The following CCDC141 variants were observed in gnomAD, a reference collection of about 807,000 sequenced individuals.
CCDC141 encodes the protein coiled-coil domain-containing protein 141.
A neutral mutation model predicts 181.0 loss-of-function variants in CCDC141; 168 were observed. That is an observed-to-expected ratio of 0.93 (90% confidence interval 0.82 to 1.05). The LOEUF (loss-of-function observed/expected upper bound fraction) is 1.05, where lower values mean the gene tolerates loss of function less well. Among genes scored for constraint, CCDC141 ranks in the 50% least tolerant of loss-of-function variants. CCDC141 has a pLI of 0.00. For synonymous variants in CCDC141, 666 were observed against 642.3 expected (o/e 1.04, Z -0.56); for missense variants, 1,902 against 1,788.5 (o/e 1.06, Z -1.14).
At chr2:178,916,515 T>C (rs1293137373) in intron 7 of CCDC141, among the ~76,000 whole-genome samples, 1 of 151,748 alleles carries the variant, frequency 6.6e-6, no homozygotes, top group Non-Finnish European at 1.5e-5. Flanking sequence ...TACTTAATAA[T>C]ATAGTATAAA....
In CCDC141 at chr2:179,029,035, C is replaced by T. The variant is rs559205694; in HGVS notation, c.225+18249G>A. On this transcript the variant is annotated intron_variant, in intron 2 of 23. Coordinates refer to ENST00000443758, the MANE Select transcript of CCDC141 (RefSeq NM_173648.4). ...ATTCTCCATAACAATGTAGCCTCAT[C>T]TCATATTTGCTGACAGAGATCTTCA... Among the ~76,000 whole-genome samples the T allele has an allele frequency of 5.3e-4, 80 of 152,310 alleles. No homozygotes were observed. The South Asian group carries it at 7.9e-3, about 15-fold the overall frequency.
At chr2:178,836,816 C>CTGTG in intron 23 of CCDC141, 78 bp downstream of exon 23, 1 of 1,477,002 alleles carries the variant, frequency 6.8e-7, no homozygotes, top group Non-Finnish European at 9.1e-7. Flanking sequence ...CTAAACCTTT[C>CTGTG]AGTTAGTGCT....
intron 22 of CCDC141, 85 bp from the exon 23 acceptor site, chr2:178,837,829 G>T: frequency 2.1e-6 from 3 of 1,441,320 alleles, no homozygotes; most frequent in Non-Finnish European, 2.7e-6. Flanking sequence ...ACTTCAGAGA[G>T]ATAACTCGAG....
intron 6 of CCDC141, among the ~76,000 whole-genome samples, chr2:178,934,109 A>G (rs1689197323): frequency 6.6e-6 from 1 of 151,620 alleles, no homozygotes; most frequent in South Asian, 2.1e-4. Context: ...ATTTTTTTCA[A>G]CACCCCCCAG....
intron 2 of CCDC141, among the ~76,000 whole-genome samples, chr2:179,028,591 A>G (rs537095229): frequency 6.6e-6 from 1 of 152,340 alleles, no homozygotes; most frequent in Admixed American, 6.5e-5. Flanking sequence ...TCATGTAATA[A>G]TACCAGTGGG....
chr2:178,980,009 TAAAC>T lies in CCDC141; in HGVS notation c.226-1338_226-1335del, dbSNP rs369992856. ...ATCTAGGACTAAATTATTTAAAAAATAAACAAATTAAGGGGGATAAACTGATTTA... is the reference window on the plus strand; with the variant it reads ...ATCTAGGACTAAATTATTTAAAAAATAAATTAAGGGGGATAAACTGATTTA... On this transcript the variant is annotated intron_variant, in intron 2 of 23. Transcript: ENST00000443758. Among the ~76,000 whole-genome samples, 95 of 152,136 alleles carry T rather than the reference TAAAC, an allele frequency of 6.2e-4. 1 individual carries two copies. The highest frequency in any genetic ancestry group is 2.2e-3 in the African/African-American group (92 of 41,516).
At chr2:178,817,129 C>A in the CCDC141 span, among the ~76,000 whole-genome samples, 1 of 152,148 alleles carries the variant, frequency 6.6e-6, no homozygotes, top group African/African-American at 2.4e-5. Flanking sequence ...GGATAACCTC[C>A]ACAAAAGAGT....
At chr2:178,970,795 C>T (rs1690851851) in intron 4 of CCDC141, among the ~76,000 whole-genome samples, 1 of 152,220 alleles carries the variant, frequency 6.6e-6, no homozygotes, top group Non-Finnish European at 1.5e-5. Context: ...TAAAGAACTT[C>T]TGCACAGCAA....
At chr2:179,038,063 A>G (rs1224037357) in intron 2 of CCDC141, among the ~76,000 whole-genome samples, 1 of 152,226 alleles carries the variant, frequency 6.6e-6, no homozygotes, top group African/African-American at 2.4e-5. Context: ...TCGTACACCA[A>G]TGTTCATTGT....
At chr2:178,890,461 C>T (rs186308212) in intron 8 of CCDC141, among the ~76,000 whole-genome samples, 43 of 152,274 alleles carry the variant, frequency 2.8e-4, no homozygotes, top group Non-Finnish European at 5.6e-4. Context: ...TAACCAGCTC[C>T]AGCCAAGCCT....
chr2:179,045,281 C>T (rs1283156151), intron 2 of CCDC141, among the ~76,000 whole-genome samples: 4 of 135,840 alleles, frequency 2.9e-5, no homozygotes, highest in Admixed American at 7.7e-5. Context: ...TTCGTTCTTG[C>T]CATAGTTTAC....
At chr2:178,827,275 T>C (rs2154364899), downstream of CCDC141, among the ~76,000 whole-genome samples, 1 of 152,340 alleles carries the variant, frequency 6.6e-6, no homozygotes, top group South Asian at 2.1e-4. Flanking sequence ...GAATGTGGTC[T>C]ATCTTGGAAA....
Position 178,850,049 on chromosome 2 carries a change from C to T in CCDC141, c.3357G>A (p.Lys1119=), listed in dbSNP as rs756818601. The T allele has an allele frequency of 6.6e-7, 1 of 1,506,736 alleles. No homozygotes were observed. The highest frequency in any genetic ancestry group is 9.1e-7 in the Non-Finnish European group (1 of 1,096,320). 93.3% of individuals were successfully genotyped at this position (1,506,736 alleles called of 1,614,324 possible). The change falls in exon 21 of 24, where the codon AAG becomes AAA. Residue 1119 remains lysine, a splice_region_variant and synonymous_variant. Coordinates refer to ENST00000443758, the MANE Select transcript of CCDC141 (RefSeq NM_173648.4). ...ACATATTCTAGGAAGAAGAAATTACCTTCAGTTTTTCTTCGAGCTCTGTGA... is the reference window on the plus strand; with the variant it reads ...ACATATTCTAGGAAGAAGAAATTACTTTCAGTTTTTCTTCGAGCTCTGTGA... ...ESLTELEEKL[K]QGDVLKMNPN...
At chr2:178,867,785 T>C (rs1160125904) in intron 16 of CCDC141, among the ~76,000 whole-genome samples, 2 of 152,198 alleles carry the variant, frequency 1.3e-5, no homozygotes, top group African/African-American at 2.4e-5. Flanking sequence ...ACTATATAAA[T>C]ACTCTTTAAA....
intron 2 of CCDC141, among the ~76,000 whole-genome samples, chr2:179,023,717 A>T (rs140570229): frequency 1.3e-4 from 20 of 152,308 alleles, no homozygotes; most frequent in African/African-American, 4.8e-4. Flanking sequence ...AGAAATATAT[A>T]CATATGTAAA....
intron 8 of CCDC141, among the ~76,000 whole-genome samples, chr2:178,901,102 C>T (rs1009748833): frequency 5.9e-5 from 9 of 152,040 alleles, no homozygotes; most frequent in African/African-American, 2.2e-4. Flanking sequence ...GAAGGAGTAA[C>T]CCATAAACAG....
chr2:179,007,586 A>C (rs1283551420), intron 2 of CCDC141, among the ~76,000 whole-genome samples: 1 of 152,158 alleles, frequency 6.6e-6, no homozygotes, highest in Non-Finnish European at 1.5e-5. Context: ...CTCTAGACAC[A>C]AAATGTCTAA....
the CCDC141 span, among the ~76,000 whole-genome samples, chr2:178,820,838 A>G: frequency 6.6e-6 from 1 of 152,156 alleles, no homozygotes; most frequent in Non-Finnish European, 1.5e-5. Context: ...TAAAGCAGGT[A>G]CCATGTGCGT....
intron 2 of CCDC141, among the ~76,000 whole-genome samples, chr2:179,021,966 C>T (rs1477241505): frequency 6.6e-6 from 1 of 152,054 alleles, no homozygotes; most frequent in Non-Finnish European, 1.5e-5. Flanking sequence ...CATTTCAATG[C>T]ATCTAAAAGG....
Sources: allele counts gnomAD v4.1 joint callset (sites outside exome capture counted in the v4.1 genomes callset), GRCh38; gene constraint gnomAD v4.1.1; transcripts MANE v1.5; gene names NCBI Gene and HGNC (gene_info 2026-07-23, HGNC 2026-07-21).